Variants in DSCAML1 observed in about 807,000 individuals in gnomAD.
The protein encoded by DSCAML1 is cell adhesion molecule DSCAML1.
In DSCAML1, 38 loss-of-function variants were observed where a neutral mutation model predicts 200.5. The ratio of observed to expected loss-of-function variants is 0.19; its 90% CI spans 0.15 to 0.25. The LOEUF (loss-of-function observed/expected upper bound fraction) is 0.25, where lower values mean the gene tolerates loss of function less well. Ranked by LOEUF, DSCAML1 falls within the 10% of genes least tolerant of loss-of-function variation. The pLI, the probability that DSCAML1 is intolerant of heterozygous loss-of-function variation, is 1.00. For synonymous variants in DSCAML1, 1,215 were observed against 1,165.0 expected, an observed-to-expected ratio of 1.04 and a Z score of -0.87; for missense variants, 2,223 against 2,858.8, an observed-to-expected ratio of 0.78 and a Z score of 5.07.
chr11:117,481,670 G>T (rs2048924500), intron 12 of DSCAML1, among the ~76,000 whole-genome samples: 1 of 151,424 alleles, frequency 6.6e-6, no homozygotes. Context: ...AGAGGGAGGG[G>T]CTGAGGGGTC....
chr11:117,814,056 C>G (rs1258146241), intron 1 of DSCAML1, among the ~76,000 whole-genome samples: 1 of 152,148 alleles, frequency 6.6e-6, no homozygotes. Context: ...TTCTGCCCCA[C>G]CTTAACTGAG....
chr11:117,611,350 A>AT (rs1193819099), intron 3 of DSCAML1: 1 of 152,206 alleles, frequency 6.6e-6, no homozygotes, highest in Non-Finnish European at 1.5e-5. Flanking sequence ...TATGGTGAGT[A>AT]TTATTCTTGC....
At chr11:117,449,568 G>C (rs538458629) in intron 20 of DSCAML1, among the ~76,000 whole-genome samples, 2 of 152,122 alleles carry the variant, frequency 1.3e-5, no homozygotes, top group Non-Finnish European at 1.5e-5. Flanking sequence ...GCAGATCTCA[G>C]GCTGATGCCC....
chr11:117,773,007 C>A (rs932052289), intron 3 of DSCAML1, among the ~76,000 whole-genome samples: 1 of 152,208 alleles, frequency 6.6e-6, no homozygotes, highest in Non-Finnish European at 1.5e-5. Flanking sequence ...TTTCTCCAGA[C>A]TCTCCCTGCC....
chr11:117,668,236 A>T (rs2053021078), intron 3 of DSCAML1, among the ~76,000 whole-genome samples: 2 of 152,242 alleles, frequency 1.3e-5, no homozygotes, highest in Non-Finnish European at 2.9e-5. Flanking sequence ...GATCCAGATG[A>T]GGAAACTGAG....
chr11:117,738,387 T>C (rs1263854767), intron 3 of DSCAML1, among the ~76,000 whole-genome samples: 1 of 152,008 alleles, frequency 6.6e-6, no homozygotes, highest in African/African-American at 2.4e-5. Flanking sequence ...TCTGTGTTTC[T>C]CAAGTCTTCC....
chr11:117,548,202 C>T (rs1456912288), intron 3 of DSCAML1, among the ~76,000 whole-genome samples: 2 of 152,236 alleles, frequency 1.3e-5, no homozygotes, highest in South Asian at 2.1e-4. Context: ...TAAGCCAGCC[C>T]TCTTCCCACC....
intron 3 of DSCAML1, among the ~76,000 whole-genome samples, chr11:117,750,832 TCCAGCCCCAGCC>T (rs1051340793): frequency 6.6e-6 from 1 of 152,122 alleles, no homozygotes; most frequent in Non-Finnish European, 1.5e-5. Flanking sequence ...ACCAGGACCA[TCCAGCCCCAGCC>T]CCAGCCCCTG....
intron 3 of DSCAML1, among the ~76,000 whole-genome samples, chr11:117,590,811 GGAT>G (rs1454574379): frequency 6.6e-6 from 1 of 152,160 alleles, no homozygotes; most frequent in Non-Finnish European, 1.5e-5. Flanking sequence ...ACTGAGAATG[GGAT>G]GATGACAAGG....
intron 3 of DSCAML1, among the ~76,000 whole-genome samples, chr11:117,563,860 G>A (rs983562102): frequency 6.6e-6 from 1 of 152,188 alleles, no homozygotes; most frequent in Non-Finnish European, 1.5e-5. Context: ...CCCTGGCAAT[G>A]GAAGGAAGAC....
intron 1 of DSCAML1, among the ~76,000 whole-genome samples, chr11:117,792,961 A>C (rs548815502): frequency 1.3e-5 from 2 of 152,264 alleles, no homozygotes; most frequent in East Asian, 3.9e-4. Context: ...TGAGCACTGG[A>C]GGCACATATG....
intron 3 of DSCAML1, among the ~76,000 whole-genome samples, chr11:117,673,418 A>G (rs914390615): frequency 1.3e-5 from 2 of 152,050 alleles, no homozygotes; most frequent in Non-Finnish European, 2.9e-5. Flanking sequence ...TCTCCTGCCC[A>G]TTTCTTCCCA....
In DSCAML1 at chr11:117,482,046, C is replaced by T. The variant is rs2048935964; in HGVS notation, c.2476G>A (p.Asp826Asn). The T allele has an allele frequency of 1.2e-6, 2 of 1,614,064 alleles. No individual in the cohort carries two copies. The highest frequency in any genetic ancestry group is 1.3e-5 in the African/African-American group (1 of 74,930). Residue 826 changes from aspartate (D) to asparagine (N), a missense_variant, in exon 12 of 33, where the codon GAC (aspartate) becomes AAC (asparagine). Transcript: ENST00000651296. ...ACGCGGTCAGGGTCGATGACTGTGT[C>T]CCCCTTCTCCCAGCGGATGATGATG... ...RPIIIRWEKG[D>N]TVIDPDRVMR...
At chr11:117,508,019 C>G (rs1230273062) in intron 8 of DSCAML1, among the ~76,000 whole-genome samples, 1 of 152,186 alleles carries the variant, frequency 6.6e-6, no homozygotes, top group Admixed American at 6.5e-5. Flanking sequence ...GCTGACCCCC[C>G]TCCTAGTTGG....
intron 20 of DSCAML1, among the ~76,000 whole-genome samples, chr11:117,450,090 C>A (rs980920558): frequency 6.6e-6 from 1 of 152,228 alleles, no homozygotes. Context: ...GGCTTTCCCC[C>A]GTCTTTCCTC....
intron 3 of DSCAML1, among the ~76,000 whole-genome samples, chr11:117,645,723 G>C (rs1376342851): frequency 7.1e-6 from 1 of 140,970 alleles, no homozygotes; most frequent in Non-Finnish European, 1.5e-5. Context: ...ACACAGGAAG[G>C]GGAACATCAC....
At chr11:117,656,134 A>G (rs1319517791) in intron 3 of DSCAML1, among the ~76,000 whole-genome samples, 1 of 152,240 alleles carries the variant, frequency 6.6e-6, no homozygotes, top group African/African-American at 2.4e-5. Context: ...GCCACTCGGG[A>G]AGCTGAGGCA....
At chr11:117,481,119 T>A (rs951221655) in intron 13 of DSCAML1, 55 bp downstream of exon 13, 2 of 1,520,302 alleles carry the variant, frequency 1.3e-6, no homozygotes, top group African/African-American at 2.7e-5. Flanking sequence ...GAGTTAGCGG[T>A]GGGCCCCTGG....
chr11:117,783,529 C>T (rs966742568), intron 1 of DSCAML1, among the ~76,000 whole-genome samples: 1 of 152,146 alleles, frequency 6.6e-6, no homozygotes, highest in African/African-American at 2.4e-5. Context: ...GTGCCAGATC[C>T]ATTCTAGATA....
Sources: allele counts gnomAD v4.1 joint callset (sites outside exome capture counted in the v4.1 genomes callset), GRCh38; gene constraint gnomAD v4.1.1; transcripts MANE v1.5; gene names NCBI Gene and HGNC (gene_info 2026-07-23, HGNC 2026-07-21).